Variants in LATS2 observed in about 807,000 individuals in gnomAD.
LATS2 encodes serine/threonine-protein kinase LATS2.
A neutral mutation model predicts 76.0 loss-of-function variants in LATS2; 24 were observed. The ratio of observed to expected loss-of-function variants is 0.32; its 90% CI spans 0.23 to 0.44. The LOEUF (loss-of-function observed/expected upper bound fraction) is 0.44. Among genes scored for constraint, LATS2 ranks in the 20% least tolerant of loss-of-function variants. LATS2 has a pLI of 1.00. For missense variants in LATS2, 1,286 were observed against 1,481.2 expected (o/e 0.87, Z 2.16); for synonymous variants, 692 against 635.4 (o/e 1.09, Z -1.34).
At chr13:21,053,150 G>A (rs893242362) in intron 1 of LATS2, among the ~76,000 whole-genome samples, 1 of 147,808 alleles carries the variant, frequency 6.8e-6, no homozygotes, top group African/African-American at 2.5e-5. Context: ...CAGGAGAATC[G>A]CTTGAACCCG....
At chr13:21,055,904 C>A (rs1311899604) in intron 1 of LATS2, among the ~76,000 whole-genome samples, 1 of 152,176 alleles carries the variant, frequency 6.6e-6, no homozygotes, top group African/African-American at 2.4e-5. Flanking sequence ...GTGGATGTAC[C>A]ACACCAGCAC....
At chr13:21,027,807 T>C (rs1210652995) in intron 2 of LATS2, among the ~76,000 whole-genome samples, 2 of 152,220 alleles carry the variant, frequency 1.3e-5, no homozygotes, top group African/African-American at 4.8e-5. Context: ...TAAATAAACC[T>C]GCTGAGATTG....
chr13:21,019,792 G>A (rs1595239077), intron 2 of LATS2, among the ~76,000 whole-genome samples: 2 of 150,708 alleles, frequency 1.3e-5, no homozygotes. Flanking sequence ...TGGCCAACAT[G>A]GCAAAACCCC....
In LATS2 at chr13:21,028,727, C is replaced by T. The variant is rs1042227342; in HGVS notation, c.342+16958G>A. Among the ~76,000 whole-genome samples the T allele has an allele frequency of 8.5e-5, 13 of 152,236 alleles. 2 individuals are homozygous for T. The highest frequency in any genetic ancestry group is 7.8e-4 in the Admixed American group (12 of 15,288). Reference sequence around the variant, plus strand: ...CTGGGATTACAGGCATGCACCACCACGCCCTGCTAATTTTTGTATTTTAGT... The same window carrying T: ...CTGGGATTACAGGCATGCACCACCATGCCCTGCTAATTTTTGTATTTTAGT... On this transcript the variant is annotated intron_variant, in intron 2 of 7. Transcript: ENST00000382592.
chr13:21,033,908 A>G (rs1295739749), intron 2 of LATS2, among the ~76,000 whole-genome samples: 2 of 152,102 alleles, frequency 1.3e-5, no homozygotes, highest in African/African-American at 4.8e-5. Flanking sequence ...TATCAAAACC[A>G]CAAGGACACA....
At chr13:21,007,760 ATT>A (rs1202476922) in intron 2 of LATS2, among the ~76,000 whole-genome samples, 2 of 4,568 alleles carry the variant, frequency 4.4e-4, no homozygotes, top group African/African-American at 2.1e-3. Flanking sequence ...ATATATATAT[ATT>A]TTTTTTTTTT....
In LATS2 at chr13:20,992,436, C is replaced by T. The variant is rs79472524; in HGVS notation, c.343-1032G>A. ...GGAGACAGAATAGGCAGGAGGGTAC[C>T]GAAGAGATGCAGCCCAGTGGCGCGG... On this transcript the variant is annotated intron_variant, in intron 2 of 7. Transcript: ENST00000382592. Among the ~76,000 whole-genome samples the T allele has an allele frequency of 5.7e-3, 862 of 152,122 alleles. 13 individuals carry two copies. Among genetic ancestry groups the T allele is most frequent in the African/African-American group, 0.02 (815 of 41,480 alleles).
chr13:21,054,677 T>C (rs1239193838), intron 1 of LATS2, among the ~76,000 whole-genome samples: 4 of 152,226 alleles, frequency 2.6e-5, no homozygotes, highest in Non-Finnish European at 4.4e-5. Flanking sequence ...AGACTGGACA[T>C]TTCTATGTCG....
At chr13:21,009,186 A>G (rs1228840654) in intron 2 of LATS2, among the ~76,000 whole-genome samples, 1 of 152,208 alleles carries the variant, frequency 6.6e-6, no homozygotes, top group African/African-American at 2.4e-5. Flanking sequence ...CAAATGAATG[A>G]ATGAATAAAG....
chr13:21,007,760 AT>A (rs1202476922), intron 2 of LATS2, among the ~76,000 whole-genome samples: 47 of 4,562 alleles, frequency 0.01, 10 homozygotes, highest in South Asian at 0.024. Context: ...ATATATATAT[AT>A]TTTTTTTTTT....
chr13:21,029,057 C>A (rs1057080012), intron 2 of LATS2, among the ~76,000 whole-genome samples: 2 of 152,186 alleles, frequency 1.3e-5, no homozygotes, highest in African/African-American at 2.4e-5. Flanking sequence ...TACTTCTTTT[C>A]CAATCTGTGT....
chr13:21,001,862 G>C (rs903500223), intron 2 of LATS2, among the ~76,000 whole-genome samples: 1 of 151,632 alleles, frequency 6.6e-6, no homozygotes, highest in Non-Finnish European at 1.5e-5. Flanking sequence ...CTGGGCGACA[G>C]AGTGAGACTC....
chr13:21,037,899 G>A (rs2138390734), intron 2 of LATS2, among the ~76,000 whole-genome samples: 1 of 152,224 alleles, frequency 6.6e-6, no homozygotes, highest in Non-Finnish European at 1.5e-5. Flanking sequence ...CCAACTCCCA[G>A]GCACCATCCT....
intron 1 of LATS2, among the ~76,000 whole-genome samples, chr13:21,050,225 AG>A (rs1166905226): frequency 6.6e-6 from 1 of 151,672 alleles, no homozygotes; most frequent in Non-Finnish European, 1.5e-5. Flanking sequence ...TTGGGGGTGG[AG>A]GGGGTAGGGG....
chr13:21,042,938 T>C (rs6490637), intron 2 of LATS2, among the ~76,000 whole-genome samples: 130,257 of 150,266 alleles, frequency 0.87, 56,534 homozygotes, highest in South Asian at 0.91. Context: ...GAGCCGAGAT[T>C]GCGCCACTGC....
At chr13:21,034,776 G>C (rs993442491) in intron 2 of LATS2, among the ~76,000 whole-genome samples, 5 of 152,136 alleles carry the variant, frequency 3.3e-5, no homozygotes, top group African/African-American at 1.2e-4. Flanking sequence ...ATACAGAGGG[G>C]AGAAGAATTT....
At chr13:21,015,727 TCTCA>T (rs1871770654) in intron 2 of LATS2, among the ~76,000 whole-genome samples, 1 of 152,156 alleles carries the variant, frequency 6.6e-6, no homozygotes, top group African/African-American at 2.4e-5. Flanking sequence ...TGAGACGGAG[TCTCA>T]CTCTGTCACC....
chr13:21,037,034 G>T lies in LATS2; in HGVS notation c.342+8651C>A, dbSNP rs1872706810. ...AATATCCATAAGAAGGTGTGTAGAA[G>T]AATGTTCATGACCAGCTCTTTACAA... On this transcript the variant is annotated intron_variant, in intron 2 of 7. Transcript: ENST00000382592. 2.6e-5 allele frequency among the ~76,000 whole-genome samples: 4 copies of T among 152,186 alleles called. No homozygotes were observed. In the South Asian group the frequency reaches 8.3e-4, roughly 31 times the overall value.
At position 20,991,837 on chromosome 13, in the gene LATS2, T is replaced by C. The variant is rs992848882; in HGVS notation, c.343-433A>G. Among the ~76,000 whole-genome samples the C allele has an allele frequency of 3.3e-5, 5 of 152,146 alleles. No individual in the cohort carries two copies. The highest frequency in any genetic ancestry group is 7.3e-5 in the Non-Finnish European group (5 of 68,028). Reference sequence around the variant, plus strand: ...GCTAACTCTGGGACTAGGAAACCTGTCCCCAGGGAGAGGGTGCAGCTGCCG... The same window carrying C: ...GCTAACTCTGGGACTAGGAAACCTGCCCCCAGGGAGAGGGTGCAGCTGCCG... On this transcript the variant is annotated intron_variant, in intron 2 of 7. Coordinates refer to ENST00000382592, the MANE Select transcript of LATS2 (RefSeq NM_014572.3). This position sits in a 1 kb window ranked among gnomAD's most constrained non-coding sequence, Gnocchi z 4.9.
Sources: allele counts gnomAD v4.1 joint callset (sites outside exome capture counted in the v4.1 genomes callset), GRCh38; gene constraint gnomAD v4.1.1; non-coding constraint Gnocchi (gnomAD v3.1); transcripts MANE v1.5; gene names NCBI Gene and HGNC (gene_info 2026-07-23, HGNC 2026-07-21).